The following ELSPBP1 variants were observed in gnomAD, a reference collection of about 807,000 sequenced individuals.
ELSPBP1 encodes epididymal sperm binding protein 1.
ELSPBP1 carries 38 observed loss-of-function variants against 33.3 expected under a neutral mutation model. That is an observed-to-expected ratio of 1.14 (90% CI 0.88 to 1.50). The LOEUF (loss-of-function observed/expected upper bound fraction) is 1.50, where lower values mean the gene tolerates loss of function less well. ELSPBP1 is among the 40% of genes most tolerant of loss of function. ELSPBP1 has a pLI of 0.00. For missense variants in ELSPBP1, 267 were observed against 263.5 expected (o/e 1.01, Z -0.09); for synonymous variants, 85 against 94.1 (o/e 0.90, Z 0.56).
At chr19:48,016,397 CTTCCT>C (rs1382037272) in intron 4 of ELSPBP1, among the ~76,000 whole-genome samples, 2 of 151,740 alleles carry the variant, frequency 1.3e-5, no homozygotes, top group African/African-American at 4.8e-5. Context: ...TGCTTCCTTC[CTTCCT>C]TTCCTTTCTT....
At chr19:48,002,169 T>C (rs1966974769) in intron 1 of ELSPBP1, among the ~76,000 whole-genome samples, 1 of 152,166 alleles carries the variant, frequency 6.6e-6, no homozygotes, top group African/African-American at 2.4e-5. Context: ...GGATGAGGAC[T>C]GAGACCCAGG....
chr19:47,996,961 A>T (rs1966917725), intron 1 of ELSPBP1, among the ~76,000 whole-genome samples: 1 of 152,166 alleles, frequency 6.6e-6, no homozygotes, highest in Non-Finnish European at 1.5e-5. Flanking sequence ...CATTGTCTTA[A>T]GCATTTTGTA....
At chr19:48,014,056 G>A (rs546445190) in intron 2 of ELSPBP1, 115 bp from the exon 3 acceptor site, 73 of 1,228,090 alleles carry the variant, frequency 5.9e-5, no homozygotes, top group East Asian at 4.7e-4. Flanking sequence ...ATTTTGCGGC[G>A]GGGGCAGGGA....
chr19:48,023,376 G>T (rs1967225868), intron 6 of ELSPBP1, among the ~76,000 whole-genome samples: 1 of 85,194 alleles, frequency 1.2e-5, no homozygotes, highest in East Asian at 6.6e-4. Flanking sequence ...AAGGAAGAGA[G>T]GAAAGGAGGG....
chr19:47,998,721 A>G (rs1966936805), intron 1 of ELSPBP1, among the ~76,000 whole-genome samples: 1 of 146,548 alleles, frequency 6.8e-6, no homozygotes, highest in African/African-American at 2.6e-5. Flanking sequence ...CGGGAGGCGG[A>G]GCTTGCAGTG....
chr19:47,998,017 T>C (rs1966927409), intron 1 of ELSPBP1, among the ~76,000 whole-genome samples: 1 of 152,170 alleles, frequency 6.6e-6, no homozygotes, highest in African/African-American at 2.4e-5. Context: ...AGATGCAGTG[T>C]CTTGCTGAGA....
chr19:48,004,491 G>A (rs1297891715), intron 1 of ELSPBP1, among the ~76,000 whole-genome samples: 1 of 152,144 alleles, frequency 6.6e-6, no homozygotes, highest in Non-Finnish European at 1.5e-5. Context: ...CTTGCTCCTT[G>A]AGCACATCTA....
At chr19:48,016,602 T>C (rs1568407591) in intron 4 of ELSPBP1, among the ~76,000 whole-genome samples, 1 of 150,880 alleles carries the variant, frequency 6.6e-6, no homozygotes, top group Non-Finnish European at 1.5e-5. Context: ...CTTTTTCTCT[T>C]TCTTTCTTCT....
chr19:48,022,078 A>G (rs1052552712), intron 5 of ELSPBP1, 92 bp from the exon 6 acceptor site: 48 of 1,248,798 alleles, frequency 3.8e-5, no homozygotes, highest in African/African-American at 7.6e-5. Context: ...CTCAGCCCCA[A>G]TTTGAAATCT....
intron 1 of ELSPBP1, among the ~76,000 whole-genome samples, chr19:48,006,621 C>CAAAAAAAAAAAAAAAAAAAAAA (rs1190341508): frequency 4.8e-5 from 1 of 20,886 alleles, no homozygotes; most frequent in African/African-American, 1.6e-4. Flanking sequence ...GACCCTGTCT[C>CAAAAAAAAAAAAAAAAAAAAAA]AAAAAAAAAA....
rs184509118 is a variant in ELSPBP1 at position 48,002,107 on chromosome 19, C to T, written c.-17-6544C>T. 5.5e-4 allele frequency among the ~76,000 whole-genome samples: 84 copies of T among 152,216 alleles called. 1 individual carries two copies. The highest frequency in any genetic ancestry group is 2.9e-3 in the Admixed American group (45 of 15,286). On this transcript the variant is annotated intron_variant, in intron 1 of 6. Transcript: ENST00000339841. ...ATTCTACCCACCAAGCGTCTATGAA[C>T]GACACTAACATTCTGTAGCAGCAAC...
chr19:48,008,388 A>G (rs1204993317), intron 1 of ELSPBP1, among the ~76,000 whole-genome samples: 2 of 152,098 alleles, frequency 1.3e-5, no homozygotes, highest in African/African-American at 4.8e-5. Context: ...ATACACCACC[A>G]TGCCTGGCTA....
intron 5 of ELSPBP1, 91 bp downstream of exon 5, chr19:48,019,968 G>A: frequency 7.2e-7 from 1 of 1,394,856 alleles, no homozygotes; most frequent in Non-Finnish European, 9.7e-7. Flanking sequence ...TGTGAGCCAG[G>A]CACTGAGTTG....
intron 1 of ELSPBP1, among the ~76,000 whole-genome samples, chr19:48,003,886 CTTCTATTCTATTCTATTCTA>C (rs56297495): frequency 0.21 from 23,662 of 114,084 alleles, 2,626 homozygotes; most frequent in South Asian, 0.23. Context: ...CTTCTGGTTG[CTTCTATTCTATTCTATTCTA>C]TTCTATTCTA....
At chr19:48,019,507 G>A (rs1967175646) in intron 4 of ELSPBP1, among the ~76,000 whole-genome samples, 1 of 152,192 alleles carries the variant, frequency 6.6e-6, no homozygotes, top group African/African-American at 2.4e-5. Context: ...GTGAAGTCGT[G>A]TTAATAGAGA....
rs1024908485 is a variant in ELSPBP1 at position 48,011,577 on chromosome 19, A to G, written c.71-2594A>G. Among the ~76,000 whole-genome samples the G allele has an allele frequency of 1.3e-5, 2 of 151,186 alleles. No individual in the cohort carries two copies. Among genetic ancestry groups the G allele is most frequent in the East Asian group, 1.9e-4 (1 of 5,154 alleles). ...TGATGACAATGATGATCATCATCAC[A>G]TGATAATGACAATAATGAGGTGGAT... On this transcript the variant is annotated intron_variant, in intron 2 of 6. Transcript: ENST00000339841. This position sits in a 1 kb window ranked among gnomAD's most constrained non-coding sequence, Gnocchi z 4.5.
chr19:47,995,687 C>T (rs115112918), intron 1 of ELSPBP1, among the ~76,000 whole-genome samples: 4 of 152,114 alleles, frequency 2.6e-5, no homozygotes, highest in Admixed American at 2.6e-4. Context: ...TTTGAAGGTA[C>T]ACTATACTTC....
chr19:48,024,816 G>C (rs538307732), intron 6 of ELSPBP1, 136 bp from the exon 7 acceptor site: 5 of 152,396 alleles, frequency 3.3e-5, no homozygotes, highest in African/African-American at 1.2e-4. Flanking sequence ...TGGGGGTGGG[G>C]GCGTCTGATT....
chr19:48,016,194 CG>C (rs939277404), intron 4 of ELSPBP1, among the ~76,000 whole-genome samples, 155 bp downstream of exon 4: 32 of 152,182 alleles, frequency 2.1e-4, no homozygotes, highest in Admixed American at 2.1e-3. Flanking sequence ...GCTATGACAA[CG>C]ACAGACAGGG....
Sources: gnomAD v4.1 joint callset for allele counts (sites outside exome capture counted in the v4.1 genomes callset) on GRCh38, gnomAD v4.1.1 for gene constraint, Gnocchi (gnomAD v3.1) non-coding constraint, MANE v1.5 for transcripts, NCBI Gene and HGNC (gene_info 2026-07-23, HGNC 2026-07-21) for gene names.